The following SLC9A7 variants were observed in gnomAD, a reference collection of about 807,000 sequenced individuals.
SLC9A7 encodes the protein sodium/hydrogen exchanger 7.
A neutral mutation model predicts 52.6 loss-of-function variants in SLC9A7; 19 were observed. The ratio of observed to expected loss-of-function variants is 0.36; its 90% CI spans 0.25 to 0.53. The LOEUF is 0.53. Among genes scored for constraint, SLC9A7 ranks in the 20% least tolerant of loss-of-function variants. The probability of loss-of-function intolerance (pLI) is 0.91; values close to 1 mark genes in which losing one functional copy is unlikely to be tolerated. For missense variants in SLC9A7, 455 were observed against 597.9 expected (o/e 0.76, Z 2.49); for synonymous variants, 226 against 252.1 (o/e 0.90, Z 0.98).
At chrX:46,709,211 G>A (rs143729227) in intron 1 of SLC9A7, among the ~76,000 whole-genome samples, 2,743 of 110,379 alleles carry the variant, frequency 0.025, 29 homozygotes, top group Non-Finnish European at 0.039. Context: ...CGAGACCGGC[G>A]TGGGCAACAA....
At chrX:46,681,303 G>A (rs1246617774) in intron 2 of SLC9A7, among the ~76,000 whole-genome samples, 1 of 111,944 alleles carries the variant, frequency 8.9e-6, no homozygotes, top group African/African-American at 3.2e-5. Context: ...GGCTCAAGCT[G>A]CCATTTCCAA....
chrX:46,663,288 A>G (rs28613949), intron 5 of SLC9A7, among the ~76,000 whole-genome samples: 112 of 96,354 alleles, frequency 1.2e-3, no homozygotes, highest in East Asian at 3.8e-3. Flanking sequence ...AGCCAAGATC[A>G]CGCCATTGCA....
intron 4 of SLC9A7, among the ~76,000 whole-genome samples, chrX:46,671,641 G>A (rs985208614): frequency 9.0e-6 from 1 of 111,668 alleles, no homozygotes; most frequent in Non-Finnish European, 1.9e-5. Context: ...AATATCCTTC[G>A]ACTAGGATTT....
At chrX:46,646,997 G>A (rs1943504083) in intron 11 of SLC9A7, 1 of 335,743 alleles carries the variant, frequency 3.0e-6, no homozygotes, top group Non-Finnish European at 5.8e-6. Flanking sequence ...TCACAGGAGC[G>A]CCTCCAGATC....
intron 7 of SLC9A7, among the ~76,000 whole-genome samples, chrX:46,661,562 A>T (rs192320658): frequency 1.8e-3 from 195 of 110,837 alleles, no homozygotes; most frequent in Non-Finnish European, 3.2e-3. Context: ...AGTTTGTTTA[A>T]ACTGAATACT....
rs187699868 is a variant in SLC9A7 at position 46,684,153 on chromosome X, G to A, written c.326-1618C>T. Among the ~76,000 whole-genome samples the A allele has an allele frequency of 8.1e-4, 91 of 111,815 alleles. 1 individual carries two copies. Among genetic ancestry groups the A allele is most frequent in the Admixed American group, 7.4e-3 (78 of 10,525 alleles). On this transcript the variant is annotated intron_variant, in intron 1 of 16. Coordinates refer to ENST00000616978, the MANE Select transcript of SLC9A7 (RefSeq NM_001257291.2). ...TAATAATCTCAATCTGACCAGATAC[G>A]AAACAATTTGAAAACCTTTAAAGGC...
intron 16 of SLC9A7, among the ~76,000 whole-genome samples, chrX:46,612,924 C>CAAAAAAAAAAA (rs57833520): frequency 6.2e-5 from 2 of 32,479 alleles, no homozygotes; most frequent in Non-Finnish European, 1.0e-4. Context: ...GACTCCGTCT[C>CAAAAAAAAAAA]AAAAAAAAAA....
chrX:46,661,302 G>C (rs1251028765), intron 7 of SLC9A7, among the ~76,000 whole-genome samples: 2 of 109,947 alleles, frequency 1.8e-5, no homozygotes, highest in Non-Finnish European at 3.8e-5. Flanking sequence ...CAGCGCACCA[G>C]CATGGCACAT....
At chrX:46,744,102 G>A (rs1366583572) in intron 1 of SLC9A7, among the ~76,000 whole-genome samples, 2 of 112,412 alleles carry the variant, frequency 1.8e-5, no homozygotes. Flanking sequence ...CCATTCCCAC[G>A]GTTACCTCTT....
rs902964895 is a variant in SLC9A7 at position 46,679,710 on chromosome X, T to C, written c.571A>G (p.Ile191Val). 4.2e-5 allele frequency: 51 copies of C among 1,200,856 alleles called. No homozygotes were observed. Among genetic ancestry groups the C allele is most frequent in the Non-Finnish European group, 5.5e-5 (49 of 889,878 alleles). The change falls in exon 3 of 17, where the codon ATT (isoleucine) becomes GTT (valine). Residue 191 changes from isoleucine to valine, a missense_variant. By Grantham distance (29) the Ile-to-Val change is conservative. Coordinates refer to ENST00000616978, the MANE Select transcript of SLC9A7 (RefSeq NM_001257291.2). ...AAGCTGTATCCAGCATGAAAAATAA[T>C]TGGAGGCAGAAGAATGTTGAAAAAT... ...EVFFNILLPP[I>V]IFHAGYSLKK... is the part of the protein sequence containing the mutation.
intron 5 of SLC9A7, 95 bp from the exon 6 acceptor site, chrX:46,662,738 G>T: frequency 1.7e-6 from 1 of 600,442 alleles, no homozygotes; most frequent in Non-Finnish European, 2.7e-6. Flanking sequence ...TCTTGGGTGG[G>T]ACTGGGTGAT....
intron 8 of SLC9A7, among the ~76,000 whole-genome samples, chrX:46,652,311 C>A: frequency 9.0e-6 from 1 of 110,878 alleles, no homozygotes; most frequent in East Asian, 2.8e-4. Context: ...CCACCACACC[C>A]AGCTAATTTT....
intron 1 of SLC9A7, among the ~76,000 whole-genome samples, chrX:46,738,049 AAGAAAGAAAGAAAG>A (rs1412385278): frequency 4.6e-5 from 2 of 43,643 alleles, no homozygotes; most frequent in East Asian, 8.3e-4. Flanking sequence ...GAAAGAAAGA[AAGAAAGAAAGAAAG>A]AAAGAAAGAA....
chrX:46,708,635 T>C (rs1161284734), intron 1 of SLC9A7, among the ~76,000 whole-genome samples: 2 of 112,313 alleles, frequency 1.8e-5, no homozygotes, highest in African/African-American at 6.5e-5. Context: ...CAAGGCGTTG[T>C]GTTCTAGCAC....
At chrX:46,738,609 A>G (rs1291449610) in intron 1 of SLC9A7, among the ~76,000 whole-genome samples, 1 of 110,806 alleles carries the variant, frequency 9.0e-6, no homozygotes, top group Non-Finnish European at 1.9e-5. Context: ...ATCTCTACTA[A>G]AAATACAAAA....
At chrX:46,646,263 A>G (rs756474691) in intron 11 of SLC9A7, among the ~76,000 whole-genome samples, 3 of 110,129 alleles carry the variant, frequency 2.7e-5, no homozygotes, top group Non-Finnish European at 3.8e-5. Context: ...GTTCCTCCCT[A>G]TCTCCTACTC....
intron 14 of SLC9A7, among the ~76,000 whole-genome samples, chrX:46,624,375 C>T (rs185444636): frequency 9.8e-4 from 110 of 112,222 alleles, no homozygotes; most frequent in Middle Eastern, 4.6e-3. Flanking sequence ...GTGAGTTAAA[C>T]TGTAGGAGGT....
chrX:46,614,028 A>G (rs770297879), intron 15 of SLC9A7, among the ~76,000 whole-genome samples: 1 of 112,062 alleles, frequency 8.9e-6, no homozygotes, highest in Admixed American at 9.4e-5. Flanking sequence ...CCTAGACGCT[A>G]ACACAAGGCT....
chrX:46,668,726 G>A (rs992612042), intron 5 of SLC9A7, among the ~76,000 whole-genome samples: 1 of 111,872 alleles, frequency 8.9e-6, no homozygotes. Flanking sequence ...GAAAGTCAAA[G>A]GTAGCTGCCA....
Sources: gnomAD v4.1 joint callset for allele counts (sites outside exome capture counted in the v4.1 genomes callset) on GRCh38, gnomAD v4.1.1 for gene constraint, MANE v1.5 for transcripts, NCBI Gene and HGNC (gene_info 2026-07-23, HGNC 2026-07-21) for gene names.